IMMP2L: variants seen among roughly 807,000 people sequenced by gnomAD.
The protein encoded by IMMP2L is inner mitochondrial membrane peptidase subunit 2.
Under a neutral mutation model 19.3 loss-of-function variants are expected in IMMP2L, and 18 were observed. The observed-to-expected ratio is 0.93, with a 90% CI of 0.64 to 1.38. IMMP2L has a LOEUF of 1.38. Ranked by LOEUF, IMMP2L falls within the 40% of genes most tolerant of loss-of-function variation. The probability of loss-of-function intolerance (pLI) is 0.00; values close to 1 mark genes in which losing one functional copy is unlikely to be tolerated. For missense variants in IMMP2L, 233 were observed against 218.2 expected, an observed-to-expected ratio of 1.07 and a Z score of -0.43; for synonymous variants, 76 against 73.0, an observed-to-expected ratio of 1.04 and a Z score of -0.21.
intron 5 of IMMP2L, among the ~76,000 whole-genome samples, chr7:110,852,115 T>A (rs184473789): frequency 6.6e-6 from 1 of 151,988 alleles, no homozygotes; most frequent in Admixed American, 6.6e-5. Flanking sequence ...GAAACTATTA[T>A]ATCAGAAACT....
intron 3 of IMMP2L, among the ~76,000 whole-genome samples, chr7:111,216,638 A>G: frequency 6.6e-6 from 1 of 152,160 alleles, no homozygotes; most frequent in Non-Finnish European, 1.5e-5. Flanking sequence ...AAGAAATACC[A>G]TATTCCTCCT....
intron 3 of IMMP2L, among the ~76,000 whole-genome samples, chr7:111,082,157 T>C (rs959490083): frequency 1.3e-5 from 2 of 152,202 alleles, no homozygotes; most frequent in Admixed American, 6.5e-5. Flanking sequence ...GGCACAGGGA[T>C]AGCACTACAC....
At chr7:110,892,878 A>G (rs1810948435) in intron 4 of IMMP2L, among the ~76,000 whole-genome samples, 1 of 152,190 alleles carries the variant, frequency 6.6e-6, no homozygotes, top group Admixed American at 6.5e-5. Context: ...GAAACACTTG[A>G]GTTACCCAAA....
At chr7:110,995,669 G>A (rs1822952095) in intron 3 of IMMP2L, among the ~76,000 whole-genome samples, 1 of 152,010 alleles carries the variant, frequency 6.6e-6, no homozygotes, top group African/African-American at 2.4e-5. Flanking sequence ...GATCTGGCAG[G>A]ACCTTACAAA....
Position 110,846,363 on chromosome 7 carries a change from T to G in IMMP2L, c.408+40230A>C, listed in dbSNP as rs565972587. On this transcript the variant is annotated intron_variant, in intron 5 of 5. Coordinates refer to ENST00000405709, the MANE Select transcript of IMMP2L (RefSeq NM_032549.4). ...ACCCTGATTTCTTTTTTTTTTTTTT[T>G]TTTTTGTTGTTGTTGTTGTTGAGAC... Among the ~76,000 whole-genome samples the G allele has an allele frequency of 8.5e-3, 1,133 of 132,736 alleles. 12 individuals are homozygous for G. The highest frequency in any genetic ancestry group is 0.025 in the African/African-American group (947 of 37,186). 87.1% of individuals were successfully genotyped at this position (132,736 alleles called of 152,430 possible).
intron 3 of IMMP2L, among the ~76,000 whole-genome samples, chr7:111,068,086 TG>T (rs1458300198): frequency 1.3e-5 from 2 of 152,056 alleles, no homozygotes; most frequent in Non-Finnish European, 2.9e-5. Context: ...CATTTTGCAC[TG>T]TAGATCAATT....
intron 3 of IMMP2L, among the ~76,000 whole-genome samples, chr7:111,452,232 A>C (rs1259225355): frequency 2.6e-5 from 4 of 152,200 alleles, no homozygotes; most frequent in Non-Finnish European, 1.5e-5. Context: ...TAGTAAAGCA[A>C]TTTATGATAC....
intron 5 of IMMP2L, among the ~76,000 whole-genome samples, chr7:110,777,081 A>G (rs1409185451): frequency 6.6e-6 from 1 of 151,982 alleles, no homozygotes; most frequent in African/African-American, 2.4e-5. Context: ...GTGGGAGGAT[A>G]AAAGTAGTAA....
chr7:110,920,246 A>C (rs1814114928), intron 4 of IMMP2L, among the ~76,000 whole-genome samples: 1 of 152,136 alleles, frequency 6.6e-6, no homozygotes, highest in Non-Finnish European at 1.5e-5. Flanking sequence ...CTCCCCATTT[A>C]TATATACATG....
At chr7:111,406,027 A>G (rs1316984433) in intron 3 of IMMP2L, among the ~76,000 whole-genome samples, 1 of 152,074 alleles carries the variant, frequency 6.6e-6, no homozygotes, top group Non-Finnish European at 1.5e-5. Flanking sequence ...AATATAATGT[A>G]TATCCTGAAA....
intron 3 of IMMP2L, among the ~76,000 whole-genome samples, chr7:111,441,449 G>T (rs183348742): frequency 6.6e-6 from 1 of 151,752 alleles, no homozygotes; most frequent in African/African-American, 2.4e-5. Context: ...GGAACTGCAG[G>T]TCGGTGGAGG....
chr7:111,346,841 G>A (rs17443228), intron 3 of IMMP2L, among the ~76,000 whole-genome samples: 8,067 of 152,186 alleles, frequency 0.053, 273 homozygotes, highest in South Asian at 0.081. Flanking sequence ...CAGACTCTGG[G>A]CTTTAAATTC....
chr7:111,111,296 T>C (rs960004206), intron 3 of IMMP2L, among the ~76,000 whole-genome samples: 6 of 138,754 alleles, frequency 4.3e-5, no homozygotes, highest in Non-Finnish European at 9.1e-5. Flanking sequence ...TGGGTAGCAG[T>C]TGTAAAAAAA....
intron 5 of IMMP2L, among the ~76,000 whole-genome samples, chr7:110,831,184 G>T (rs58926710): frequency 0.081 from 12,299 of 152,144 alleles, 717 homozygotes; most frequent in African/African-American, 0.16. Flanking sequence ...GTTGGCAACA[G>T]TGGGTTGAAT....
At chr7:111,344,765 T>C (rs1429556075) in intron 3 of IMMP2L, among the ~76,000 whole-genome samples, 1 of 152,170 alleles carries the variant, frequency 6.6e-6, no homozygotes, top group Non-Finnish European at 1.5e-5. Context: ...TATTAACATG[T>C]ATCAATATAG....
At position 110,865,687 on chromosome 7, in the gene IMMP2L, G is replaced by A. The variant is rs913933446; in HGVS notation, c.408+20906C>T. 8.6e-5 allele frequency among the ~76,000 whole-genome samples: 13 copies of A among 151,912 alleles called. No individual in the cohort carries two copies. In the East Asian group the frequency reaches 1.9e-3, roughly 23 times the overall value. On this transcript the variant is annotated intron_variant, in intron 5 of 5. Transcript: ENST00000405709. ...CAGGTAGGCAGCACCGATGAACCCC[G>A]AGAAAAGAAGTCACTGTAGAGATAC...
chr7:110,887,688 A>AT (rs1023865626), intron 4 of IMMP2L, among the ~76,000 whole-genome samples: 3 of 151,840 alleles, frequency 2.0e-5, no homozygotes, highest in Non-Finnish European at 4.4e-5. Flanking sequence ...CAGGCTTACA[A>AT]TAAAATATTA....
At chr7:110,968,193 A>G (rs1819757994) in intron 3 of IMMP2L, among the ~76,000 whole-genome samples, 1 of 152,024 alleles carries the variant, frequency 6.6e-6, no homozygotes, top group African/African-American at 2.4e-5. Flanking sequence ...GTAAGATTAG[A>G]TCAGAAATCC....
chr7:110,682,009 T>TTGAGA (rs1792758104), intron 5 of IMMP2L, among the ~76,000 whole-genome samples: 1 of 152,160 alleles, frequency 6.6e-6, no homozygotes, highest in Non-Finnish European at 1.5e-5. Flanking sequence ...GAAAAATGTG[T>TTGAGA]TGAGATTGAA....
Sources: gnomAD v4.1 joint callset for allele counts (sites outside exome capture counted in the v4.1 genomes callset) on GRCh38, gnomAD v4.1.1 for gene constraint, MANE v1.5 for transcripts, NCBI Gene and HGNC (gene_info 2026-07-23, HGNC 2026-07-21) for gene names.